The following ROBO2 variants were observed in gnomAD, a reference collection of about 807,000 sequenced individuals.
The protein encoded by ROBO2 is roundabout homolog 2.
A neutral mutation model predicts 160.8 loss-of-function variants in ROBO2; 53 were observed. That is an observed-to-expected ratio of 0.33 (90% CI 0.26 to 0.41). The LOEUF is 0.41. Among genes scored for constraint, ROBO2 ranks in the 10% least tolerant of loss-of-function variants. The probability of loss-of-function intolerance (pLI) is 1.00; values close to 1 mark genes in which losing one functional copy is unlikely to be tolerated. For synonymous variants in ROBO2, 664 were observed against 611.7 expected, an observed-to-expected ratio of 1.09 and a Z score of -1.26; for missense variants, 1,577 against 1,722.4, an observed-to-expected ratio of 0.92 and a Z score of 1.49.
chr3:76,529,907 C>A (rs1163287271), intron 2 of ROBO2, among the ~76,000 whole-genome samples: 1 of 152,110 alleles, frequency 6.6e-6, no homozygotes. Context: ...TGCTAGTATC[C>A]ACTGTTGATG....
intron 2 of ROBO2, among the ~76,000 whole-genome samples, chr3:77,323,148 C>T (rs1008937812): frequency 6.1e-5 from 9 of 147,170 alleles, no homozygotes; most frequent in Non-Finnish European, 8.9e-5. Context: ...TATGTAATTA[C>T]TTGTATCAAA....
chr3:77,040,562 C>T, exon 1 of ROBO2: 1 of 1,413,094 alleles, frequency 7.1e-7, no homozygotes, highest in South Asian at 1.5e-5. Context: ...GGAAATACAG[C>T]AGCCTTTGAA....
chr3:76,173,041 A>G (rs1202317967), intron 2 of ROBO2, among the ~76,000 whole-genome samples: 2 of 152,098 alleles, frequency 1.3e-5, no homozygotes, highest in East Asian at 3.9e-4. Flanking sequence ...TGTAAAATTC[A>G]TCAGAGGAAA....
intron 2 of ROBO2, among the ~76,000 whole-genome samples, chr3:77,321,512 C>T (rs1489374381): frequency 6.6e-6 from 1 of 151,584 alleles, no homozygotes; most frequent in South Asian, 2.1e-4. Context: ...GAGAGAGAGA[C>T]CCTGTCTCAA....
At chr3:76,851,764 A>AAAAAATATATATAT (rs1553659595) in intron 2 of ROBO2, among the ~76,000 whole-genome samples, 64 of 137,010 alleles carry the variant, frequency 4.7e-4, no homozygotes, top group African/African-American at 1.8e-3. Context: ...AAAAAAAAAA[A>AAAAAATATATATAT]ATATTAACAT....
intron 2 of ROBO2, among the ~76,000 whole-genome samples, chr3:77,338,472 C>T (rs2153449082): frequency 6.6e-6 from 1 of 152,140 alleles, no homozygotes; most frequent in East Asian, 1.9e-4. Flanking sequence ...GACAAATGAC[C>T]TTAAAGATAA....
chr3:76,225,339 A>T (rs1325991135), intron 2 of ROBO2, among the ~76,000 whole-genome samples: 3 of 152,194 alleles, frequency 2.0e-5, no homozygotes, highest in African/African-American at 7.2e-5. Flanking sequence ...GTGTGTATTA[A>T]TTTTTTATGT....
chr3:76,668,922 C>CTA (rs1214649349), intron 2 of ROBO2, among the ~76,000 whole-genome samples: 2 of 151,966 alleles, frequency 1.3e-5, no homozygotes, highest in Non-Finnish European at 2.9e-5. Flanking sequence ...AAGAGGATGG[C>CTA]TAAGAGGGCA....
chr3:76,568,301 T>G (rs2084728254), intron 2 of ROBO2, among the ~76,000 whole-genome samples: 1 of 151,938 alleles, frequency 6.6e-6, no homozygotes, highest in African/African-American at 2.4e-5. Context: ...TAATTTAATT[T>G]TATTTATTTA....
chr3:77,639,576 T>C (rs943965874), intron 24 of ROBO2, among the ~76,000 whole-genome samples: 2 of 152,146 alleles, frequency 1.3e-5, no homozygotes, highest in Admixed American at 6.5e-5. Flanking sequence ...GAATGGCAAG[T>C]GAAGCTTGAG....
intron 5 of ROBO2, among the ~76,000 whole-genome samples, chr3:77,505,000 A>G (rs1024684915): frequency 6.6e-6 from 1 of 152,228 alleles, no homozygotes; most frequent in African/African-American, 2.4e-5. Context: ...TGGGCCAACA[A>G]TTAGTGATTC....
chr3:76,330,857 A>G (rs1289934875), intron 2 of ROBO2, among the ~76,000 whole-genome samples: 1 of 152,224 alleles, frequency 6.6e-6, no homozygotes, highest in Non-Finnish European at 1.5e-5. Flanking sequence ...GATGAGGAAC[A>G]TTTGTTGTGG....
intron 1 of ROBO2, among the ~76,000 whole-genome samples, chr3:77,093,864 A>G (rs1055139608): frequency 3.3e-5 from 5 of 152,134 alleles, no homozygotes; most frequent in Admixed American, 6.5e-5. Context: ...ATTAGAACCT[A>G]AGATTATAAA....
chr3:77,100,444 GAAATTTGGGTTAAAGC>G (rs1446166616), intron 2 of ROBO2, among the ~76,000 whole-genome samples: 2 of 151,910 alleles, frequency 1.3e-5, no homozygotes, highest in Admixed American at 1.3e-4. Flanking sequence ...TATTAATATG[GAAATTTGGGTTAAAGC>G]ATTGTGATTT....
intron 2 of ROBO2, among the ~76,000 whole-genome samples, chr3:76,623,263 A>G (rs530383334): frequency 3.9e-4 from 60 of 152,298 alleles, no homozygotes; most frequent in African/African-American, 1.3e-3. Context: ...TTTTCCAGGT[A>G]GCTAAGAACA....
intron 2 of ROBO2, among the ~76,000 whole-genome samples, chr3:76,727,001 A>G (rs2093562612): frequency 6.6e-6 from 1 of 152,222 alleles, no homozygotes; most frequent in Non-Finnish European, 1.5e-5. Context: ...GATGTTCCCA[A>G]TGATCGAGTC....
At chr3:76,208,617 T>C (rs566550195) in intron 2 of ROBO2, among the ~76,000 whole-genome samples, 7 of 152,262 alleles carry the variant, frequency 4.6e-5, no homozygotes, top group African/African-American at 1.2e-4. Flanking sequence ...GAGAAAATAA[T>C]CTGCCACGTT....
At chr3:76,724,742 A>T (rs1042685607) in intron 2 of ROBO2, among the ~76,000 whole-genome samples, 2 of 152,154 alleles carry the variant, frequency 1.3e-5, no homozygotes, top group Non-Finnish European at 2.9e-5. Context: ...TGCAACCTAT[A>T]AATGTTACTT....
intron 9 of ROBO2, among the ~76,000 whole-genome samples, chr3:77,560,304 G>C (rs1047961370): frequency 1.3e-5 from 2 of 151,962 alleles, no homozygotes; most frequent in Non-Finnish European, 2.9e-5. Flanking sequence ...AATTTATTAA[G>C]GGTAAAAGGA....
Sources: gnomAD v4.1 joint callset for allele counts (sites outside exome capture counted in the v4.1 genomes callset) on GRCh38, gnomAD v4.1.1 for gene constraint, MANE v1.5 for transcripts, NCBI Gene and HGNC (gene_info 2026-07-23, HGNC 2026-07-21) for gene names.